The following ABTB3 variants were observed in gnomAD, a reference collection of about 807,000 sequenced individuals.
ABTB3 encodes ankyrin repeat- and BTB/POZ domain-containing protein 3.
At chr12:107,482,913 C>T in the ABTB3 span, among the ~76,000 whole-genome samples, 2 of 117,998 alleles carry the variant, frequency 1.7e-5, no homozygotes, top group Non-Finnish European at 3.5e-5. Context: ...TCTCTTTCTT[C>T]TTCTTTCTTT....
the ABTB3 span, chr12:107,581,098 C>G: frequency 6.5e-7 from 1 of 1,545,658 alleles, no homozygotes; most frequent in South Asian, 1.2e-5. Flanking sequence ...GCCGGCAGCC[C>G]CTGCCTCCGG....
At chr12:107,633,774 C>T in the ABTB3 span, among the ~76,000 whole-genome samples, 1 of 152,180 alleles carries the variant, frequency 6.6e-6, no homozygotes, top group South Asian at 2.1e-4. Context: ...GTGCATGGAA[C>T]CTGTGGTTCT....
the ABTB3 span, among the ~76,000 whole-genome samples, chr12:107,614,076 G>A: frequency 6.6e-6 from 1 of 152,080 alleles, no homozygotes; most frequent in Admixed American, 6.5e-5. Flanking sequence ...CCATCCCACG[G>A]ATCTCAGCTC....
the ABTB3 span, chr12:107,640,182 C>T: frequency 3.5e-6 from 2 of 563,698 alleles, no homozygotes; most frequent in Non-Finnish European, 6.2e-6. Flanking sequence ...TGTTTGGTTG[C>T]TGTCTTGCCA....
the ABTB3 span, among the ~76,000 whole-genome samples, chr12:107,560,747 T>C: frequency 2.6e-5 from 4 of 152,180 alleles, no homozygotes; most frequent in African/African-American, 9.7e-5. Flanking sequence ...GAAAGTAGCA[T>C]GGCAGCCTCA....
the ABTB3 span, among the ~76,000 whole-genome samples, chr12:107,527,538 C>T: frequency 6.6e-6 from 1 of 151,780 alleles, no homozygotes; most frequent in African/African-American, 2.4e-5. Context: ...TCCCAAAGTG[C>T]TGGGATTACA....
the ABTB3 span, among the ~76,000 whole-genome samples, chr12:107,366,750 C>T: frequency 3.9e-5 from 6 of 152,106 alleles, no homozygotes; most frequent in South Asian, 6.2e-4. Flanking sequence ...TATATTGGTA[C>T]CCTATCAACA....
the ABTB3 span, among the ~76,000 whole-genome samples, chr12:107,621,783 T>C: frequency 6.6e-6 from 1 of 152,182 alleles, no homozygotes; most frequent in Non-Finnish European, 1.5e-5. Context: ...CACCACACTT[T>C]GTTTTGCCTG....
the ABTB3 span, chr12:107,610,158 T>G: frequency 1.2e-6 from 2 of 1,613,834 alleles, no homozygotes; most frequent in African/African-American, 2.7e-5. Context: ...GGGAAGCCGC[T>G]GTACCCGCAT....
the ABTB3 span, chr12:107,581,068 C>G: frequency 4.5e-6 from 7 of 1,539,540 alleles, no homozygotes; most frequent in South Asian, 7.2e-5. Flanking sequence ...GGGATCCCCG[C>G]GAGCAGGGGG....
At chr12:107,580,938 A>G in the ABTB3 span, 1 of 1,551,444 alleles carries the variant, frequency 6.4e-7, no homozygotes, top group Non-Finnish European at 8.7e-7. Flanking sequence ...GATTCCAGAG[A>G]GCCTGCCCCG....
chr12:107,454,225 A>C, the ABTB3 span, among the ~76,000 whole-genome samples: 27 of 152,230 alleles, frequency 1.8e-4, no homozygotes, highest in African/African-American at 6.5e-4. Flanking sequence ...TGCCCAGAAG[A>C]TCCACACGTG....
chr12:107,422,971 T>A, the ABTB3 span, among the ~76,000 whole-genome samples: 1 of 152,256 alleles, frequency 6.6e-6, no homozygotes, highest in African/African-American at 2.4e-5. Context: ...TTTCTTCCTC[T>A]ATAGTTTCAA....
At chr12:107,482,980 C>CTTTCT in the ABTB3 span, among the ~76,000 whole-genome samples, 9 of 24,520 alleles carry the variant, frequency 3.7e-4, no homozygotes, top group Admixed American at 4.8e-4. Context: ...TTCTTTCTTT[C>CTTTCT]TTTCTTTCCT....
chr12:107,610,155 C>T, the ABTB3 span: 11 of 1,613,368 alleles, frequency 6.8e-6, no homozygotes, highest in African/African-American at 2.7e-5. Flanking sequence ...TCTGGGAAGC[C>T]GCTGTACCCG....
chr12:107,496,311 C>A, the ABTB3 span, among the ~76,000 whole-genome samples: 1 of 152,186 alleles, frequency 6.6e-6, no homozygotes, highest in South Asian at 2.1e-4. Flanking sequence ...TCAAACCAGA[C>A]CAGCTCCTTC....
At chr12:107,511,017 G>A in the ABTB3 span, among the ~76,000 whole-genome samples, 5 of 152,202 alleles carry the variant, frequency 3.3e-5, no homozygotes, top group African/African-American at 9.7e-5. Flanking sequence ...CTACCCGAGA[G>A]AAGAGAGTTC....
At chr12:107,319,714 C>T in the ABTB3 span, 1 of 1,532,778 alleles carries the variant, frequency 6.5e-7, no homozygotes, top group Non-Finnish European at 8.7e-7. Flanking sequence ...CCGGGGTGCC[C>T]CGGAGCTGCA....
the ABTB3 span, among the ~76,000 whole-genome samples, chr12:107,550,849 C>T: frequency 6.6e-6 from 1 of 152,140 alleles, no homozygotes; most frequent in African/African-American, 2.4e-5. Context: ...TCCCAAAGTG[C>T]TGGGATTACA....
Sources: gnomAD v4.1 joint callset for allele counts (sites outside exome capture counted in the v4.1 genomes callset) on GRCh38, gnomAD v4.1.1 for gene constraint, MANE v1.5 for transcripts, NCBI Gene and HGNC (gene_info 2026-07-23, HGNC 2026-07-21) for gene names.